The following ATAD5 variants were observed in gnomAD, a reference collection of about 807,000 sequenced individuals.
ATAD5 encodes ATPase family AAA domain containing 5, also known as ATPase family AAA domain-containing protein 5.
In ATAD5, 58 loss-of-function variants were observed where a neutral mutation model predicts 176.9. The ratio of observed to expected loss-of-function variants is 0.33; its 90% CI spans 0.27 to 0.41. The LOEUF is 0.41. ATAD5 is among the 10% of genes least tolerant of loss of function. The pLI is 1.00. For synonymous variants in ATAD5, 640 were observed against 712.6 expected (o/e 0.90, Z 1.62); for missense variants, 1,789 against 2,094.1 (o/e 0.85, Z 2.84).
chr17:30,845,068 C>A, intron 6 of ATAD5, 152 bp downstream of exon 6: 1 of 710,238 alleles, frequency 1.4e-6, no homozygotes, highest in Non-Finnish European at 2.2e-6. Context: ...GCTGCAACTG[C>A]TATTTGAATA....
At chr17:30,877,932 GA>G (rs1422692004) in intron 16 of ATAD5, 70 bp from the exon 17 acceptor site, 1 of 1,098,262 alleles carries the variant, frequency 9.1e-7, no homozygotes, top group African/African-American at 1.6e-5. Context: ...AACAGACATA[GA>G]ATATTTACTA....
At chr17:30,854,851 C>T (rs1050737278) in intron 6 of ATAD5, among the ~76,000 whole-genome samples, 5 of 151,980 alleles carry the variant, frequency 3.3e-5, no homozygotes, top group Non-Finnish European at 1.5e-5. Context: ...CTCTGCTTTC[C>T]AGGCTCAAGT....
At chr17:30,876,672 C>A in intron 15 of ATAD5, 122 bp downstream of exon 15, 11 of 290,112 alleles carry the variant, frequency 3.8e-5, no homozygotes, top group East Asian at 1.4e-4. Context: ...ACTGAAGGTT[C>A]TACATGTAGA....
intron 17 of ATAD5, among the ~76,000 whole-genome samples, chr17:30,878,401 C>G (rs1389508301): frequency 1.3e-5 from 2 of 152,042 alleles, no homozygotes; most frequent in African/African-American, 2.4e-5. Context: ...GGAACCCAAC[C>G]TTTCTGCTGT....
In ATAD5 at chr17:30,857,127, G is replaced by C; in HGVS notation, c.2793+15G>C. 1 of 1,599,202 alleles carries C rather than the reference G, an allele frequency of 6.3e-7. No homozygotes were observed. Among genetic ancestry groups the C allele is most frequent in the Non-Finnish European group, 8.5e-7 (1 of 1,175,954 alleles). On this transcript the variant is annotated intron_variant, in intron 8 of 22. Transcript: ENST00000321990. ...CTGCTGCTGTGGTAAGTATTAAATA[G>C]TTCATCCATTGTAGAGTGTTTCCCT...
At chr17:30,878,718 G>GGTTTTTTT (rs1908812554) in intron 17 of ATAD5, among the ~76,000 whole-genome samples, 1 of 56,838 alleles carries the variant, frequency 1.8e-5, no homozygotes, top group South Asian at 8.9e-4. Context: ...GTTAGGTGGT[G>GGTTTTTTT]TTTTTTTTTT....
At chr17:30,865,892 C>A in intron 11 of ATAD5, 92 bp downstream of exon 11, 2 of 697,326 alleles carry the variant, frequency 2.9e-6, no homozygotes, top group South Asian at 3.4e-5. Context: ...TAATATATCT[C>A]ATGATAAAAT....
At chr17:30,852,925 C>G (rs1438145885) in intron 6 of ATAD5, among the ~76,000 whole-genome samples, 2 of 150,402 alleles carry the variant, frequency 1.3e-5, no homozygotes, top group African/African-American at 4.9e-5. Context: ...ATCTCCCTCT[C>G]TTGACCAGGC....
intron 6 of ATAD5, among the ~76,000 whole-genome samples, chr17:30,850,829 A>G (rs9915395): frequency 0.022 from 605 of 27,806 alleles, 10 homozygotes; most frequent in South Asian, 0.072. Flanking sequence ...ATATTTATAT[A>G]TTTTTATATA....
rs199538106 is a variant in ATAD5 at position 30,869,843 on chromosome 17, CTCTA to C, written c.3607+201_3607+204del. The C allele has an allele frequency of 9.3e-4, 540 of 581,720 alleles. 10 individuals are homozygous for C. In the East Asian group the frequency reaches 0.017, roughly 18 times the overall value. The allele number at this position is 581,720 out of a possible 1,614,324, so 36.0% of individuals were successfully genotyped here. A position where few individuals can be genotyped will look rare whatever the true frequency, so the allele number is the denominator to read the frequency against. ...CACCCATACCTTCTTCAATATTTAT[CTCTA>C]TCTGATAAGGACTTTTAAAAAAGCA... On this transcript the variant is annotated intron_variant, in intron 14 of 22. Transcript: ENST00000321990.
chr17:30,845,008 T>A, intron 6 of ATAD5, 92 bp downstream of exon 6: 1 of 1,150,384 alleles, frequency 8.7e-7, no homozygotes, highest in Non-Finnish European at 1.2e-6. Context: ...ATGTGAATTA[T>A]CATTTGAAGC....
At chr17:30,875,535 G>A (rs1381706364) in intron 14 of ATAD5, among the ~76,000 whole-genome samples, 3 of 152,044 alleles carry the variant, frequency 2.0e-5, no homozygotes, top group South Asian at 2.1e-4. Context: ...AGGGGCCCAC[G>A]CTTGTAATCC....
intron 3 of ATAD5, 131 bp downstream of exon 3, chr17:30,837,445 C>T (rs1364173049): frequency 1.3e-5 from 8 of 625,904 alleles, no homozygotes; most frequent in Non-Finnish European, 2.2e-5. Flanking sequence ...TGGTTAACTA[C>T]AACCCTATGA....
intron 10 of ATAD5, among the ~76,000 whole-genome samples, chr17:30,861,303 G>A (rs1907618541): frequency 6.7e-6 from 1 of 149,166 alleles, no homozygotes; most frequent in Non-Finnish European, 1.5e-5. Context: ...TGGTAAATTC[G>A]AGTTTTTCCT....
At chr17:30,836,078 G>A (rs1905726461) in intron 2 of ATAD5, 30 bp downstream of exon 2, 1 of 1,521,930 alleles carries the variant, frequency 6.6e-7, no homozygotes, top group Non-Finnish European at 8.8e-7. Context: ...TAACGTTCTA[G>A]TATTCTGCAT....
chr17:30,837,220 G>A lies in ATAD5; in HGVS notation c.1982G>A (p.Arg661Lys). The change falls in exon 3 of 23, where the codon AGA (arginine) becomes AAA (lysine). Residue 661 changes from arginine to lysine, a missense_variant. By Grantham distance (26) the Arg-to-Lys change is conservative (BLOSUM62 2). Transcript: ENST00000321990. ...TTTTATTTCAGAATGAAATTCACCA[G>A]AATTAGTACTCCCAAAAAATCTAAG... ...SESPIRMKFTRISTPKKSKKK... is the reference protein window; with the variant it reads ...SESPIRMKFTKISTPKKSKKK... The A allele has an allele frequency of 6.5e-7, 1 of 1,536,890 alleles. No homozygotes were observed. Among genetic ancestry groups the A allele is most frequent in the Admixed American group, 2.1e-5 (1 of 47,948 alleles).
intron 21 of ATAD5, among the ~76,000 whole-genome samples, 175 bp downstream of exon 21, chr17:30,894,325 A>C (rs1254048761): frequency 2.0e-5 from 3 of 152,274 alleles, no homozygotes; most frequent in Non-Finnish European, 4.4e-5. Context: ...CTGGGAAGAG[A>C]AATAATGAGT....
rs1178077603 is a variant in ATAD5, at chr17:30,858,253, A to T, written c.2886A>T (p.Lys962Asn). The T allele has an allele frequency of 6.3e-7, 1 of 1,599,342 alleles. No homozygotes were observed. Among genetic ancestry groups the T allele is most frequent in the African/African-American group, 1.3e-5 (1 of 74,336 alleles). ...CAAATCCTGAATTTTCATTGAAAAA[A>T]TATTTTCCCTTACTCCTAAAAAAAC... ...RWSNPEFSLK[K>N]YFPLLLKKQI... Residue 962 changes from lysine (K) to asparagine (N), a missense_variant, in exon 9 of 23, where the codon AAA becomes AAT. This residue lies in a region of ATAD5 where 487 missense variants were observed against 573.6 expected (regional missense o/e 0.85). Transcript: ENST00000321990.
chr17:30,855,324 G>A lies in ATAD5; in HGVS notation c.2632G>A (p.Asp878Asn). The part of the protein sequence containing the change: ...QRVVHVQQKD[D>N]GCCLWHLKPP... The stretch of plus-strand genomic sequence containing the variant: ...AGTCGTACATGTGCAACAAAAGGAT[G>A]ATGGTAAGTTTGTTTTTTATTATTG... Residue 878 changes from aspartate to asparagine, a missense_variant, in exon 7 of 23, where the codon GAT becomes AAT. Physicochemically the swap from Asp to Asn is conservative, Grantham distance 23. This residue lies in a region of ATAD5 where 487 missense variants were observed against 573.6 expected (regional missense o/e 0.85). Coordinates refer to ENST00000321990, the MANE Select transcript of ATAD5 (RefSeq NM_024857.5). The A allele has an allele frequency of 1.3e-6, 2 of 1,580,162 alleles. No homozygotes were observed. Among genetic ancestry groups the A allele is most frequent in the East Asian group, 2.3e-5 (1 of 44,166 alleles).
Sources: gnomAD v4.1 joint callset for allele counts (sites outside exome capture counted in the v4.1 genomes callset) on GRCh38, gnomAD v4.1.1 for gene constraint, gnomAD v4.1.1 regional missense constraint, MANE v1.5 for transcripts, NCBI Gene and HGNC (gene_info 2026-07-23, HGNC 2026-07-21) for gene names.